ZZEF1: variants seen among roughly 807,000 people sequenced by gnomAD.
ZZEF1 encodes zinc finger ZZ-type and EF-hand domain-containing protein 1.
Under a neutral mutation model 342.8 loss-of-function variants are expected in ZZEF1, and 157 were observed. The ratio of observed to expected loss-of-function variants is 0.46; its 90% confidence interval spans 0.40 to 0.52. The LOEUF is 0.52. ZZEF1 is among the 20% of genes least tolerant of loss of function. The pLI, the probability that ZZEF1 is intolerant of heterozygous loss-of-function variation, is 0.00. For synonymous variants in ZZEF1, 1,505 were observed against 1,429.1 expected (o/e 1.05, Z -1.20); for missense variants, 3,480 against 3,725.6 (o/e 0.93, Z 1.72).
intron 1 of ZZEF1, among the ~76,000 whole-genome samples, chr17:4,129,549 A>G (rs1317415949): frequency 9.2e-5 from 14 of 152,126 alleles, no homozygotes; most frequent in Admixed American, 9.2e-4. Context: ...TAAAAAGAAA[A>G]AAAAGAGGGC....
intron 18 of ZZEF1, among the ~76,000 whole-genome samples, chr17:4,079,003 C>G (rs1421973743): frequency 7.2e-5 from 11 of 152,160 alleles, no homozygotes; most frequent in Admixed American, 2.6e-4. Context: ...TTAATGATAT[C>G]TGTAACTTCT....
At chr17:4,057,859 C>T (rs1029708059) in intron 32 of ZZEF1, 135 bp downstream of exon 32, 25 of 836,640 alleles carry the variant, frequency 3.0e-5, no homozygotes, top group African/African-American at 1.5e-4. Flanking sequence ...CAAGGCCACT[C>T]GGCTAGGATG....
intron 52 of ZZEF1, among the ~76,000 whole-genome samples, chr17:4,010,586 G>A (rs1362977361): frequency 1.7e-4 from 25 of 151,392 alleles, no homozygotes; most frequent in Non-Finnish European, 4.4e-5. Flanking sequence ...TTAGCTGAGC[G>A]TGGTGGTGGG....
rs1319244777 is a variant in ZZEF1, at chr17:4,050,659, C to T, written c.5863+122G>A. 3 of 1,404,380 alleles carry T rather than the reference C, an allele frequency of 2.1e-6. No individual in the cohort carries two copies. The Admixed American group carries it at 6.2e-5, about 29-fold the overall frequency. The allele number at this position is 1,404,380 out of a possible 1,614,324, so 87.0% of individuals were successfully genotyped here. On this transcript the variant is annotated intron_variant, in intron 36 of 54. Coordinates refer to ENST00000381638, the MANE Select transcript of ZZEF1 (RefSeq NM_015113.4). ...AAATTAAGTTCCACACCAGGGTAAG[C>T]CCCTTTTGTGGAAAAGTGGATGTTG...
chr17:4,024,864 T>C (rs2145005693), intron 43 of ZZEF1, 55 bp downstream of exon 43: 5 of 1,521,594 alleles, frequency 3.3e-6, no homozygotes, highest in Middle Eastern at 1.7e-4. Context: ...TTAATCCCCA[T>C]GCAGATGTCA....
At chr17:4,108,644 T>C (rs1429386383) in intron 6 of ZZEF1, among the ~76,000 whole-genome samples, 1 of 152,146 alleles carries the variant, frequency 6.6e-6, no homozygotes, top group Non-Finnish European at 1.5e-5. Context: ...ATGTTCTTGT[T>C]TACAGGAAAT....
At position 4,008,047 on chromosome 17, in the gene ZZEF1, C is replaced by T. The variant is rs1315958846; in HGVS notation, c.8805+836G>A. On this transcript the variant is annotated intron_variant, in intron 54 of 54. Transcript: ENST00000381638. This position sits in a 1 kb window ranked among gnomAD's most constrained non-coding sequence, Gnocchi z 4.2. ...CTCTGGGGCCAGGCGACTCCCGAGA[C>T]CCTTTTGGGGTCTGCAAGGTTCATT... 6.6e-6 allele frequency among the ~76,000 whole-genome samples: 1 copy of T among 152,112 alleles called. No homozygotes were observed. Among genetic ancestry groups the T allele is most frequent in the Non-Finnish European group, 1.5e-5 (1 of 68,030 alleles).
Position 4,076,650 on chromosome 17 carries a change from C to T in ZZEF1, c.3221G>A (p.Gly1074Glu), listed in dbSNP as rs2057627043. The change falls in exon 21 of 55, where the codon GGA (glycine) becomes GAA (glutamate). Residue 1074 changes from glycine to glutamate, a missense_variant. Gly to Glu is a moderately conservative substitution (Grantham distance 98). This residue lies in a region of ZZEF1 where 1,528 missense variants were observed against 1,624.1 expected (regional missense o/e 0.94). Coordinates refer to ENST00000381638, the MANE Select transcript of ZZEF1 (RefSeq NM_015113.4). ...LLKKLCSGPE[G>E]GLRKLDVETW... ...GACTCGAGTTACCTTCCTCAGTCCT[C>T]CTTCGGGGCCACTACAGAGCTTCTT... The T allele has an allele frequency of 6.2e-7, 1 of 1,610,896 alleles. No homozygotes were observed. The highest frequency in any genetic ancestry group is 8.5e-7 in the Non-Finnish European group (1 of 1,178,084).
In ZZEF1 at chr17:4,017,528, G is replaced by A; in HGVS notation, c.7844C>T (p.Ala2615Val). 2 of 1,614,260 alleles carry A rather than the reference G, an allele frequency of 1.2e-6. No homozygotes were observed. The highest frequency in any genetic ancestry group is 1.7e-6 in the Non-Finnish European group (2 of 1,180,036). The change falls in exon 48 of 55, where the codon GCT (alanine) becomes GTT (valine). Residue 2615 changes from alanine (A) to valine (V), a missense_variant. Ala to Val is a moderately conservative substitution (Grantham distance 64). Transcript: ENST00000381638. The surrounding 1 kb of genome is among the most constrained non-coding windows in gnomAD (Gnocchi z 5.1). ...AAGCACGTGGCGGGCGTACAGGACA[G>A]CTGTGGCCTCGTTCACTCGGAAGAG... ...DYLFRVNEAT[A>V]VLYARHVLAS...
chr17:4,076,479 G>A, intron 21 of ZZEF1, 158 bp downstream of exon 21: 1 of 941,134 alleles, frequency 1.1e-6, no homozygotes, highest in Non-Finnish European at 1.5e-6. Flanking sequence ...GACTTGGACT[G>A]ACATTCACCC....
rs555069072 is a variant in ZZEF1 at position 4,014,587 on chromosome 17, G to A, written c.8146-72C>T. On this transcript the variant is annotated intron_variant, in intron 49 of 54. Transcript: ENST00000381638. The surrounding 1 kb of genome is among the most constrained non-coding windows in gnomAD (Gnocchi z 4.4). Reference sequence around the variant, plus strand: ...ACACTGACTGCAGCTGTCCCATGCCGAGTCCTGTGGCTGGACCCGGGTGTG... The same window carrying A: ...ACACTGACTGCAGCTGTCCCATGCCAAGTCCTGTGGCTGGACCCGGGTGTG... 17 of 1,529,922 alleles carry A rather than the reference G, an allele frequency of 1.1e-5. No individual in the cohort carries two copies. Among genetic ancestry groups the A allele is most frequent in the Non-Finnish European group, 1.4e-5 (16 of 1,112,416 alleles). The allele number at this position is 1,529,922 out of a possible 1,614,324, so 94.8% of individuals were successfully genotyped here.
chr17:4,105,932 C>T (rs558206613), intron 6 of ZZEF1, 123 bp from the exon 7 acceptor site: 5 of 734,856 alleles, frequency 6.8e-6, no homozygotes, highest in Non-Finnish European at 1.1e-5. Flanking sequence ...CACAGAGAAG[C>T]TGGCACACAA....
At position 4,086,621 on chromosome 17, in the gene ZZEF1, G is replaced by A; in HGVS notation, c.2377C>T (p.Leu793Phe). Reference sequence around the variant, plus strand: ...AAGCAGCTCTGGAGTAGCTGCAGAAGCAGGGTTTGGGCAGAGACGCATTCT... The same window carrying A: ...AAGCAGCTCTGGAGTAGCTGCAGAAACAGGGTTTGGGCAGAGACGCATTCT... ...REECVSAQTL[L>F]LQLLQSCFSV... The change falls in exon 15 of 55, where the codon CTT becomes TTT. Residue 793 changes from leucine (L) to phenylalanine (F), a missense_variant. By Grantham distance (22) the Leu-to-Phe change is conservative (BLOSUM62 0). This residue lies in a region of ZZEF1 where 1,528 missense variants were observed against 1,624.1 expected (regional missense o/e 0.94). Coordinates refer to ENST00000381638, the MANE Select transcript of ZZEF1 (RefSeq NM_015113.4). 2 of 1,614,148 alleles carry A rather than the reference G, an allele frequency of 1.2e-6. No homozygotes were observed. The highest frequency in any genetic ancestry group is 1.7e-6 in the Non-Finnish European group (2 of 1,180,034).
intron 18 of ZZEF1, among the ~76,000 whole-genome samples, chr17:4,078,619 AAG>A: frequency 6.6e-6 from 1 of 152,354 alleles, no homozygotes; most frequent in South Asian, 2.1e-4. Context: ...GCAAGGCAGG[AAG>A]AGAGTGAGCC....
chr17:4,032,803 C>T, intron 41 of ZZEF1, 25 bp downstream of exon 41: 2 of 1,610,494 alleles, frequency 1.2e-6, no homozygotes, highest in Non-Finnish European at 1.7e-6. Context: ...GGTGACCAGG[C>T]CCTCAGGCCT....
At chr17:4,117,648 CAA>C (rs61155656) in intron 2 of ZZEF1, among the ~76,000 whole-genome samples, 46,196 of 88,486 alleles carry the variant, frequency 0.52, 9,949 homozygotes, top group East Asian at 0.68. Context: ...AACTCCACCT[CAA>C]AAAAAAAAAA....
In ZZEF1 at chr17:4,075,451, G is replaced by A. The variant is rs764294699; in HGVS notation, c.3235-22C>T. The A allele has an allele frequency of 3.1e-6, 5 of 1,610,438 alleles. No homozygotes were observed. The Admixed American group carries it at 5.0e-5, about 16-fold the overall frequency. On this transcript the variant is annotated intron_variant, in intron 21 of 54. Coordinates refer to ENST00000381638, the MANE Select transcript of ZZEF1 (RefSeq NM_015113.4). ...CCAGCTATGATAACAAATGAGCCAG[G>A]GGAAAGAAAGGTTCTATCACTAGAC... is the stretch of plus-strand genomic sequence containing the variant.
Position 4,114,289 on chromosome 17 carries a change from T to C in ZZEF1, c.866+10A>G, listed in dbSNP as rs775151393. The C allele has an allele frequency of 1.2e-5, 19 of 1,569,224 alleles. No individual in the cohort carries two copies. The highest frequency in any genetic ancestry group is 1.6e-5 in the Non-Finnish European group (19 of 1,161,830). On this transcript the variant is annotated intron_variant, in intron 4 of 54. Transcript: ENST00000381638. ...TTTTAAAAAACAAAAAAGTATTATA[T>C]ACCACCCACCGAATCCAGTGTGAAC...
At chr17:4,018,140 G>C (rs995648096) in intron 46 of ZZEF1, among the ~76,000 whole-genome samples, 169 bp from the exon 47 acceptor site, 1 of 152,018 alleles carries the variant, frequency 6.6e-6, no homozygotes, top group Non-Finnish European at 1.5e-5. Context: ...CTTATGCATG[G>C]ATACAGAATG....
Sources: gnomAD v4.1 joint callset for allele counts (sites outside exome capture counted in the v4.1 genomes callset) on GRCh38, gnomAD v4.1.1 for gene constraint, gnomAD v4.1.1 regional missense constraint, Gnocchi (gnomAD v3.1) non-coding constraint, MANE v1.5 for transcripts, NCBI Gene and HGNC (gene_info 2026-07-23, HGNC 2026-07-21) for gene names.